The following PKNOX2 variants were observed in gnomAD, a reference collection of about 807,000 sequenced individuals.
PKNOX2 encodes homeobox protein PKNOX2.
In PKNOX2, 14 loss-of-function variants were observed where a neutral mutation model predicts 53.1. The observed-to-expected ratio is 0.26, with a 90% CI of 0.17 to 0.41. The LOEUF (loss-of-function observed/expected upper bound fraction) is 0.41, where lower values mean the gene tolerates loss of function less well. Ranked by LOEUF, PKNOX2 falls within the 10% of genes least tolerant of loss-of-function variation. The pLI is 1.00. For missense variants in PKNOX2, 496 were observed against 602.8 expected (o/e 0.82, Z 1.85); for synonymous variants, 257 against 242.8 (o/e 1.06, Z -0.54).
At chr11:125,293,482 G>A (rs1281679276) in intron 2 of PKNOX2, among the ~76,000 whole-genome samples, 1 of 151,982 alleles carries the variant, frequency 6.6e-6, no homozygotes, top group East Asian at 1.9e-4. Flanking sequence ...TTCTTTCTTG[G>A]GAAGAGATCT....
At chr11:125,262,217 G>A (rs564138333) in intron 2 of PKNOX2, among the ~76,000 whole-genome samples, 1 of 152,146 alleles carries the variant, frequency 6.6e-6, no homozygotes, top group Admixed American at 6.5e-5. Context: ...TGGAGGCGGC[G>A]GTGGGGGGGT....
intron 1 of PKNOX2, among the ~76,000 whole-genome samples, chr11:125,190,808 C>T (rs1956832643): frequency 6.6e-6 from 1 of 152,198 alleles, no homozygotes; most frequent in African/African-American, 2.4e-5. Context: ...GACCAGCCCA[C>T]CCCTCAGCAC....
intron 2 of PKNOX2, among the ~76,000 whole-genome samples, chr11:125,313,056 A>G (rs147348118): frequency 0.011 from 1,692 of 152,296 alleles, 18 homozygotes; most frequent in African/African-American, 0.029. Context: ...CGAGGGCAAC[A>G]GGGAGCTTAG....
At chr11:125,215,981 A>C (rs1371328325) in intron 1 of PKNOX2, among the ~76,000 whole-genome samples, 1 of 152,248 alleles carries the variant, frequency 6.6e-6, no homozygotes, top group African/African-American at 2.4e-5. Flanking sequence ...AGGGCCTTGC[A>C]GTCCATGCTT....
At chr11:125,325,157 A>C (rs1385083573) in intron 2 of PKNOX2, among the ~76,000 whole-genome samples, 1 of 152,162 alleles carries the variant, frequency 6.6e-6, no homozygotes, top group African/African-American at 2.4e-5. Context: ...TCTCTCCCCC[A>C]GGCCCCTTTC....
intron 1 of PKNOX2, among the ~76,000 whole-genome samples, chr11:125,193,324 C>T (rs112984731): frequency 4.4e-4 from 67 of 152,282 alleles, no homozygotes; most frequent in African/African-American, 1.6e-3. Context: ...CCCTCTCTAC[C>T]GAGGAATGCT....
chr11:125,399,547 A>G (rs1217831106), intron 7 of PKNOX2, among the ~76,000 whole-genome samples: 1 of 152,212 alleles, frequency 6.6e-6, no homozygotes, highest in Non-Finnish European at 1.5e-5. Flanking sequence ...TTTCATGAAA[A>G]TAATAAGTGA....
At chr11:125,395,961 T>C (rs886737254) in intron 6 of PKNOX2, among the ~76,000 whole-genome samples, 47 of 151,598 alleles carry the variant, frequency 3.1e-4, no homozygotes, top group Non-Finnish European at 6.0e-4. Flanking sequence ...ATCTTTTTTT[T>C]TTTTTTTTTT....
intron 2 of PKNOX2, among the ~76,000 whole-genome samples, chr11:125,290,321 G>C (rs1947229183): frequency 6.6e-6 from 1 of 152,232 alleles, no homozygotes; most frequent in Non-Finnish European, 1.5e-5. Flanking sequence ...TGTGATGCAA[G>C]TTCTGTGTGC....
chr11:125,274,551 G>A (rs1018323232), intron 2 of PKNOX2, among the ~76,000 whole-genome samples: 3 of 152,244 alleles, frequency 2.0e-5, no homozygotes, highest in Non-Finnish European at 4.4e-5. Flanking sequence ...AACAAACTGT[G>A]CAGCAGCCAT....
At chr11:125,421,941 A>C (rs1956195565) in intron 10 of PKNOX2, among the ~76,000 whole-genome samples, 1 of 152,158 alleles carries the variant, frequency 6.6e-6, no homozygotes, top group Admixed American at 6.5e-5. Context: ...GAAGCTGGAC[A>C]CAGAGACCCT....
At chr11:125,421,785 C>T (rs556147867) in intron 10 of PKNOX2, among the ~76,000 whole-genome samples, 4 of 152,352 alleles carry the variant, frequency 2.6e-5, no homozygotes, top group African/African-American at 7.2e-5. Flanking sequence ...AGGCTGCTTA[C>T]GCCCGGAGAC....
intron 4 of PKNOX2, among the ~76,000 whole-genome samples, chr11:125,364,822 CTCATGGTGTCTGAGCCTGTCAGAGTTGGA>C (rs1178453732): frequency 1.3e-5 from 2 of 152,108 alleles, no homozygotes; most frequent in Non-Finnish European, 2.9e-5. Context: ...TTAAAACACC[CTCATGGTGTCTGAGCCTGTCAGAGTTGGA>C]GGGGCTTCAG....
At chr11:125,182,019 T>C (rs927449564) in intron 1 of PKNOX2, among the ~76,000 whole-genome samples, 21 of 152,228 alleles carry the variant, frequency 1.4e-4, no homozygotes, top group African/African-American at 4.6e-4. Flanking sequence ...TCTTTGGGGC[T>C]GCACTTAGGG....
At chr11:125,243,926 C>T (rs1214776510) in intron 2 of PKNOX2, among the ~76,000 whole-genome samples, 1 of 152,168 alleles carries the variant, frequency 6.6e-6, no homozygotes, top group Non-Finnish European at 1.5e-5. Context: ...CCAGCCTGTA[C>T]CTGGGACCCT....
chr11:125,353,921 G>A (rs2136214005), intron 4 of PKNOX2, among the ~76,000 whole-genome samples: 1 of 152,278 alleles, frequency 6.6e-6, no homozygotes, highest in South Asian at 2.1e-4. Context: ...CTAGGGCAGG[G>A]GTGGAGTGGG....
rs1382288755 is a variant in PKNOX2, at chr11:125,179,966, C to T, written c.-201+15190C>T. On this transcript the variant is annotated intron_variant, in intron 1 of 12. Coordinates refer to ENST00000298282, the MANE Select transcript of PKNOX2 (RefSeq NM_001382323.2). ...GTAATTGAATAAAGGCCAAAGTCCTCCCCATGGCTGAATCTCCTCCTCCCC... is the reference window on the plus strand; with the variant it reads ...GTAATTGAATAAAGGCCAAAGTCCTTCCCATGGCTGAATCTCCTCCTCCCC... 2.0e-5 allele frequency among the ~76,000 whole-genome samples: 3 copies of T among 152,164 alleles called. No homozygotes were observed. The East Asian group carries it at 5.8e-4, about 29-fold the overall frequency.
intron 4 of PKNOX2, among the ~76,000 whole-genome samples, chr11:125,355,007 C>T (rs1405569176): frequency 6.6e-6 from 1 of 152,144 alleles, no homozygotes; most frequent in Non-Finnish European, 1.5e-5. Flanking sequence ...TGGCTCATGC[C>T]TGTAATACCA....
At chr11:125,343,781 G>A (rs1171797662) in intron 3 of PKNOX2, among the ~76,000 whole-genome samples, 4 of 152,016 alleles carry the variant, frequency 2.6e-5, no homozygotes, top group African/African-American at 4.8e-5. Flanking sequence ...GCAAGACCAC[G>A]AAGAGGGCGC....
Sources: gnomAD v4.1 joint callset for allele counts (sites outside exome capture counted in the v4.1 genomes callset) on GRCh38, gnomAD v4.1.1 for gene constraint, MANE v1.5 for transcripts, NCBI Gene and HGNC (gene_info 2026-07-23, HGNC 2026-07-21) for gene names.